The following MCF2 variants were observed in gnomAD, a reference collection of about 807,000 sequenced individuals.
The protein encoded by MCF2 is MCF.2 cell line derived transforming sequence, also known as proto-oncogene DBL.
MCF2 carries 44 observed loss-of-function variants against 82.5 expected under a neutral mutation model. The ratio of observed to expected loss-of-function variants is 0.53; its 90% CI spans 0.42 to 0.69. MCF2 has a LOEUF of 0.69. Ranked by LOEUF, MCF2 falls within the 30% of genes least tolerant of loss-of-function variation. The pLI is 0.00. For synonymous variants in MCF2, 217 were observed against 224.9 expected, an observed-to-expected ratio of 0.96 and a Z score of 0.32; for missense variants, 623 against 663.1, an observed-to-expected ratio of 0.94 and a Z score of 0.66.
intron 1 of MCF2, among the ~76,000 whole-genome samples, chrX:139,652,234 G>A (rs1934047161): frequency 9.0e-6 from 1 of 111,621 alleles, no homozygotes; most frequent in African/African-American, 3.3e-5. Context: ...AAATCTCTAA[G>A]GTAGGTACTG....
intron 4 of MCF2, among the ~76,000 whole-genome samples, chrX:139,627,966 A>C (rs151007010): frequency 8.9e-6 from 1 of 111,993 alleles, no homozygotes; most frequent in Admixed American, 9.5e-5. Context: ...TATTAAAAAG[A>C]CAAAAAATAA....
At chrX:139,647,320 T>A (rs1379442685), upstream of MCF2, among the ~76,000 whole-genome samples, 1 of 111,638 alleles carries the variant, frequency 9.0e-6, no homozygotes, top group Admixed American at 9.5e-5. Context: ...AGTGTCATGG[T>A]GAGCAGGAAA....
chrX:139,700,131 C>T (rs181080397), intron 1 of MCF2, among the ~76,000 whole-genome samples: 27 of 111,606 alleles, frequency 2.4e-4, no homozygotes, highest in East Asian at 1.4e-3. Context: ...GGCATGAGAA[C>T]GAAGTTGTGA....
At chrX:139,643,911 G>A (rs1215958746), upstream of MCF2, among the ~76,000 whole-genome samples, 2 of 111,639 alleles carry the variant, frequency 1.8e-5, no homozygotes, top group East Asian at 2.8e-4. Flanking sequence ...AATCAGGCGG[G>A]TGCAGTGTTG....
At chrX:139,626,546 C>G (rs910413756) in intron 5 of MCF2, 77 bp downstream of exon 8, 24 of 978,827 alleles carry the variant, frequency 2.5e-5, no homozygotes, top group Non-Finnish European at 3.4e-5. Flanking sequence ...TAACACTTAA[C>G]ATATTGCAGC....
intron 6 of MCF2, among the ~76,000 whole-genome samples, chrX:139,623,121 T>C (rs779478906): frequency 4.4e-4 from 49 of 111,638 alleles, no homozygotes; most frequent in Non-Finnish European, 8.1e-4. Context: ...GGAACGCTGA[T>C]ACACTGCTGG....
At chrX:139,685,073 A>G (rs1187632873) in intron 1 of MCF2, among the ~76,000 whole-genome samples, 1 of 111,588 alleles carries the variant, frequency 9.0e-6, no homozygotes, top group Non-Finnish European at 1.9e-5. Context: ...AGTTGACAAC[A>G]TTACCCTTAA....
intron 1 of MCF2, among the ~76,000 whole-genome samples, chrX:139,639,793 T>A (rs1933455776): frequency 8.9e-6 from 1 of 112,199 alleles, no homozygotes; most frequent in African/African-American, 3.2e-5. Context: ...ATGTTTAAAG[T>A]AACTTATAAA....
At chrX:139,695,137 T>A (rs868498156) in intron 1 of MCF2, among the ~76,000 whole-genome samples, 1 of 109,075 alleles carries the variant, frequency 9.2e-6, no homozygotes, top group African/African-American at 3.3e-5. Context: ...TTCAAGCAAT[T>A]CTGCTGCCTC....
Position 139,588,412 on chromosome X carries a change from C to T in MCF2, c.2397G>A (p.Thr799=), listed in dbSNP as rs143167880. 52 of 1,199,509 alleles carry T rather than the reference C, an allele frequency of 4.3e-5. No homozygotes were observed. The Middle Eastern group carries it at 7.3e-4, about 17-fold the overall frequency. ...AAATATTTCTTATTTCTTTTAGCCACGTCATCTTCACATCTACATTAGAAG... is the reference window on the plus strand; with the variant it reads ...AAATATTTCTTATTTCTTTTAGCCATGTCATCTTCACATCTACATTAGAAG... Residue 799 remains threonine (T), a synonymous_variant, in exon 21 of 25, where the codon ACG becomes ACA. Transcript: ENST00000370576.
chrX:139,643,686 C>T (rs1933688338), upstream of MCF2, among the ~76,000 whole-genome samples: 1 of 110,409 alleles, frequency 9.1e-6, no homozygotes, highest in African/African-American at 3.3e-5. Context: ...AGAAAGCAGC[C>T]CTGGGAATAC....
intron 4 of MCF2, 60 bp from the exon 8 acceptor site, chrX:139,626,816 G>A: frequency 1.0e-6 from 1 of 1,001,448 alleles, no homozygotes; most frequent in Non-Finnish European, 1.4e-6. Context: ...ATGATGTGAT[G>A]GGAAGGGAGC....
chrX:139,619,326 A>C (rs1932156925), intron 7 of MCF2, among the ~76,000 whole-genome samples: 1 of 110,194 alleles, frequency 9.1e-6, no homozygotes, highest in Admixed American at 9.8e-5. Context: ...GATATACAGA[A>C]TGTTGTTATG....
intron 2 of MCF2, 62 bp from the exon 6 acceptor site, chrX:139,631,573 G>A (rs1459407351): frequency 4.4e-6 from 3 of 681,367 alleles, no homozygotes; most frequent in Non-Finnish European, 7.0e-6. Flanking sequence ...CCATTAAACT[G>A]TAAAATGAAC....
At chrX:139,672,374 G>T (rs1161575861) in intron 1 of MCF2, among the ~76,000 whole-genome samples, 1 of 112,432 alleles carries the variant, frequency 8.9e-6, no homozygotes, top group African/African-American at 3.2e-5. Flanking sequence ...GGTGAGAGGG[G>T]GCACCCCTGT....
At chrX:139,622,497 T>TA (rs1388992237) in intron 6 of MCF2, among the ~76,000 whole-genome samples, 1 of 111,476 alleles carries the variant, frequency 9.0e-6, no homozygotes, top group Non-Finnish European at 1.9e-5. Flanking sequence ...CCAACAACGA[T>TA]AGAGTGGATT....
Position 139,685,926 on chromosome X carries a change from T to C in MCF2, c.-45+22180A>G, listed in dbSNP as rs774349735. ...TAATCCACCATGATGAAGTAGGCTT[T>C]ATCCCTGGGACGCAAGTTTGGTTCA... On this transcript the variant is annotated intron_variant, in intron 1 of 27. Coordinates refer to the MCF2 transcript ENST00000414978. 3.6e-5 allele frequency among the ~76,000 whole-genome samples: 4 copies of C among 111,477 alleles called. No individual in the cohort carries two copies. The South Asian group carries it at 1.5e-3, about 43-fold the overall frequency.
intron 24 of MCF2, among the ~76,000 whole-genome samples, chrX:139,583,495 A>C (rs1486670085): frequency 9.0e-6 from 1 of 111,663 alleles, no homozygotes; most frequent in African/African-American, 3.3e-5. Context: ...AAATTAACGC[A>C]GGAACAGAAA....
chrX:139,647,048 A>C (rs2148520784), upstream of MCF2: 3 of 427,864 alleles, frequency 7.0e-6, no homozygotes, highest in East Asian at 1.3e-4. Flanking sequence ...AAATGGCTCC[A>C]AGTTCCTGAC....
Sources: allele counts gnomAD v4.1 joint callset (sites outside exome capture counted in the v4.1 genomes callset), GRCh38; gene constraint gnomAD v4.1.1; transcripts MANE v1.5; gene names NCBI Gene and HGNC (gene_info 2026-07-23, HGNC 2026-07-21).